TTC28: variants seen among roughly 807,000 people sequenced by gnomAD.
TTC28 encodes tetratricopeptide repeat protein 28.
TTC28 carries 61 observed loss-of-function variants against 198.0 expected under a neutral mutation model. The ratio of observed to expected loss-of-function variants is 0.31; its 90% CI spans 0.25 to 0.38. TTC28 has a LOEUF of 0.38. Ranked by LOEUF, TTC28 falls within the 10% of genes least tolerant of loss-of-function variation. TTC28 has a pLI of 1.00. For missense variants in TTC28, 2,678 were observed against 3,164.0 expected (o/e 0.85, Z 3.69); for synonymous variants, 1,171 against 1,297.8 (o/e 0.90, Z 2.10).
intron 2 of TTC28, among the ~76,000 whole-genome samples, chr22:28,436,918 G>A (rs1002991106): frequency 5.9e-5 from 9 of 152,018 alleles, no homozygotes; most frequent in African/African-American, 2.2e-4. Context: ...TGTTTAAGGT[G>A]GATATTTTAT....
At chr22:27,983,925 G>T in intron 22 of TTC28, 74 bp from the exon 23 acceptor site, 1 of 1,441,982 alleles carries the variant, frequency 6.9e-7, no homozygotes, top group South Asian at 1.4e-5. Context: ...CAAAATTTAC[G>T]ACATCTTTAT....
intron 13 of TTC28, among the ~76,000 whole-genome samples, chr22:28,015,419 TAAAAAAAAAAA>T (rs138678): frequency 2.7e-5 from 3 of 109,666 alleles, no homozygotes; most frequent in Admixed American, 9.9e-5. Context: ...GAGATAGCTT[TAAAAAAAAAAA>T]AAAAAAAAAA....
chr22:28,629,864 A>G lies in TTC28; in HGVS notation c.103-34T>C, dbSNP rs1198396905. The G allele has an allele frequency of 2.6e-6, 4 of 1,516,670 alleles. No homozygotes were observed. In the African/African-American group the frequency reaches 5.6e-5, roughly 21 times the overall value. 94.0% of individuals were successfully genotyped at this position (1,516,670 alleles called of 1,614,324 possible). A position where few individuals can be genotyped will look rare whatever the true frequency, so the allele number is the denominator to read the frequency against. ...AAAGAAACTTTATCAGAAAAAGTTC[A>G]GATAATCCAGATGGGTTCCCCATCT... On this transcript the variant is annotated intron_variant, in intron 1 of 22. Coordinates refer to ENST00000397906, the MANE Select transcript of TTC28 (RefSeq NM_001145418.2).
intron 1 of TTC28, 50 bp from the exon 2 acceptor site, chr22:28,629,880 T>G: frequency 4.9e-6 from 7 of 1,439,010 alleles, no homozygotes; most frequent in African/African-American, 1.4e-5. Flanking sequence ...TCCAGATGGG[T>G]TCCCCATCTG....
intron 2 of TTC28, among the ~76,000 whole-genome samples, chr22:28,410,633 A>C (rs1320190903): frequency 6.6e-6 from 1 of 152,260 alleles, no homozygotes. Flanking sequence ...GAATGAGGTC[A>C]TTCAAAAAGG....
At chr22:28,190,294 G>T (rs561498398) in intron 5 of TTC28, among the ~76,000 whole-genome samples, 50 of 152,330 alleles carry the variant, frequency 3.3e-4, no homozygotes, top group Non-Finnish European at 1.9e-4. Flanking sequence ...CTACACGACA[G>T]ATAATATTTT....
At chr22:28,451,634 AG>A (rs1358967086) in intron 2 of TTC28, among the ~76,000 whole-genome samples, 1 of 152,244 alleles carries the variant, frequency 6.6e-6, no homozygotes, top group Non-Finnish European at 1.5e-5. Context: ...GTTCACTAAA[AG>A]TCACAGTTTC....
chr22:28,412,362 G>T (rs1026272351), intron 2 of TTC28, among the ~76,000 whole-genome samples: 1 of 152,042 alleles, frequency 6.6e-6, no homozygotes, highest in African/African-American at 2.4e-5. Flanking sequence ...GGCGGGGGGC[G>T]GGGGGAGAGG....
At chr22:28,519,624 C>G (rs572786803) in intron 2 of TTC28, among the ~76,000 whole-genome samples, 10 of 152,206 alleles carry the variant, frequency 6.6e-5, no homozygotes, top group Non-Finnish European at 1.5e-4. Flanking sequence ...GGTAACTGTG[C>G]ATGCCTGAGG....
At chr22:28,013,276 C>T (rs904806909) in intron 14 of TTC28, among the ~76,000 whole-genome samples, 1 of 152,212 alleles carries the variant, frequency 6.6e-6, no homozygotes, top group African/African-American at 2.4e-5. Flanking sequence ...AGGGGCCATG[C>T]AGCCTGGCTA....
intron 1 of TTC28, among the ~76,000 whole-genome samples, chr22:28,655,551 G>C (rs994473669): frequency 6.6e-6 from 1 of 152,124 alleles, no homozygotes; most frequent in African/African-American, 2.4e-5. Context: ...AAAAAAACAA[G>C]ATACACTATT....
At chr22:28,076,531 T>C (rs1941175965) in intron 12 of TTC28, among the ~76,000 whole-genome samples, 1 of 152,178 alleles carries the variant, frequency 6.6e-6, no homozygotes, top group Non-Finnish European at 1.5e-5. Flanking sequence ...AATCTTTGGA[T>C]TGTGACACTC....
intron 2 of TTC28, among the ~76,000 whole-genome samples, chr22:28,461,024 T>TA (rs995998575): frequency 6.6e-6 from 1 of 152,190 alleles, no homozygotes; most frequent in African/African-American, 2.4e-5. Flanking sequence ...CAAAATACAA[T>TA]AACTTAATTG....
intron 2 of TTC28, among the ~76,000 whole-genome samples, chr22:28,337,740 A>G (rs762654504): frequency 0.026 from 3,472 of 134,274 alleles, no homozygotes; most frequent in Non-Finnish European, 0.036. Context: ...GTGTCTCTGC[A>G]CGTGAGATGG....
At chr22:28,653,585 T>A (rs2051597653) in intron 1 of TTC28, among the ~76,000 whole-genome samples, 1 of 152,044 alleles carries the variant, frequency 6.6e-6, no homozygotes, top group Admixed American at 6.6e-5. Flanking sequence ...AGACCGCTCA[T>A]ACCTGTACAG....
At position 28,395,233 on chromosome 22, in the gene TTC28, C is replaced by T. The variant is rs563029910; in HGVS notation, c.382-88590G>A. Among the ~76,000 whole-genome samples the T allele has an allele frequency of 4.6e-5, 7 of 152,186 alleles. No homozygotes were observed. In the South Asian group the frequency reaches 1.5e-3, roughly 32 times the overall value. ...TGTTTTTAACACATACAAATATCTG[C>T]CATATATAATTTTTACAAAGAGAGA... On this transcript the variant is annotated intron_variant, in intron 2 of 22. Transcript: ENST00000397906.
chr22:28,112,090 T>C (rs1942496677), intron 6 of TTC28, among the ~76,000 whole-genome samples: 1 of 152,198 alleles, frequency 6.6e-6, no homozygotes, highest in Non-Finnish European at 1.5e-5. Context: ...CCTTTGTTAT[T>C]TTTTTAAATT....
intron 2 of TTC28, among the ~76,000 whole-genome samples, chr22:28,387,697 G>T (rs981598021): frequency 3.3e-5 from 5 of 152,066 alleles, no homozygotes; most frequent in African/African-American, 1.2e-4. Flanking sequence ...GGTTGTTTGT[G>T]TTTTTCTTCT....
chr22:28,342,701 A>G (rs2045850547), intron 2 of TTC28, among the ~76,000 whole-genome samples: 1 of 152,232 alleles, frequency 6.6e-6, no homozygotes, highest in East Asian at 1.9e-4. Context: ...TTTCATACAG[A>G]TCCAATCAAA....
Sources: allele counts gnomAD v4.1 joint callset (sites outside exome capture counted in the v4.1 genomes callset), GRCh38; gene constraint gnomAD v4.1.1; transcripts MANE v1.5; gene names NCBI Gene and HGNC (gene_info 2026-07-23, HGNC 2026-07-21).